Variants in PSPC1 observed in about 807,000 individuals in gnomAD.
The protein encoded by PSPC1 is paraspeckle component 1, also known as paraspeckle protein 1.
Under a neutral mutation model 51.6 loss-of-function variants are expected in PSPC1, and 14 were observed. That is an observed-to-expected ratio of 0.27 (90% CI 0.18 to 0.42). The LOEUF is 0.42. PSPC1 is among the 10% of genes least tolerant of loss of function. The probability of loss-of-function intolerance (pLI) is 1.00; values close to 1 mark genes in which losing one functional copy is unlikely to be tolerated. For missense variants in PSPC1, 406 were observed against 701.1 expected (o/e 0.58, Z 4.75); for synonymous variants, 193 against 231.9 (o/e 0.83, Z 1.53).
chr13:19,742,648 A>G (rs1487748779), intron 4 of PSPC1, among the ~76,000 whole-genome samples: 2 of 152,304 alleles, frequency 1.3e-5, no homozygotes, highest in East Asian at 3.9e-4. Context: ...TTGAGACAGG[A>G]GAATCACTTG....
At chr13:19,704,351 C>A (rs557413900) in intron 8 of PSPC1, among the ~76,000 whole-genome samples, 2 of 152,380 alleles carry the variant, frequency 1.3e-5, no homozygotes, top group African/African-American at 4.8e-5. Flanking sequence ...AAAAATCCAA[C>A]TGCCAGCATG....
Position 19,759,406 on chromosome 13 carries a change from T to C in PSPC1, c.687A>G (p.Pro229=), listed in dbSNP as rs1170104820. 6.2e-7 allele frequency: 1 copy of C among 1,613,926 alleles called. No individual in the cohort carries two copies. Among genetic ancestry groups the C allele is most frequent in the Non-Finnish European group, 8.5e-7 (1 of 1,179,914 alleles). Residue 229 remains proline (P), a synonymous_variant, in exon 3 of 9, where the codon CCA becomes CCG. Coordinates refer to ENST00000338910, the MANE Select transcript of PSPC1 (RefSeq NM_001354909.2). Reference sequence around the variant, plus strand: ...ACTGCTCCATGGGTTCCACAATGACTGGACGAGGGGTCCTGGATAGGTATA... The same window carrying C: ...ACTGCTCCATGGGTTCCACAATGACCGGACGAGGGGTCCTGGATAGGTATA... The part of the protein sequence containing the change: ...GAFLLTTTPR[P]VIVEPMEQFD...
chr13:19,778,382 TCCCCC>T (rs1889435943), intron 1 of PSPC1, among the ~76,000 whole-genome samples: 7 of 26,704 alleles, frequency 2.6e-4, no homozygotes, highest in Admixed American at 1.0e-3. Flanking sequence ...CCCCTCCCCC[TCCCCC>T]TCCCCCTCCC....
chr13:19,747,467 C>T (rs538680684), intron 4 of PSPC1, among the ~76,000 whole-genome samples: 1 of 151,996 alleles, frequency 6.6e-6, no homozygotes, highest in Admixed American at 6.6e-5. Flanking sequence ...CAAGTAGCTG[C>T]AACTACAGAC....
At chr13:19,714,919 T>G (rs1411413963) in intron 6 of PSPC1, among the ~76,000 whole-genome samples, 2 of 152,224 alleles carry the variant, frequency 1.3e-5, no homozygotes, top group African/African-American at 2.4e-5. Context: ...AAGTCAGGTC[T>G]TCTTTGATGC....
At chr13:19,749,691 T>G (rs1436597954) in intron 4 of PSPC1, among the ~76,000 whole-genome samples, 5 of 146,570 alleles carry the variant, frequency 3.4e-5, no homozygotes, top group Non-Finnish European at 1.5e-5. Flanking sequence ...CAGGCTGGAG[T>G]GCAGTGGCGT....
intron 2 of PSPC1, among the ~76,000 whole-genome samples, chr13:19,764,134 T>C (rs991471483): frequency 6.6e-6 from 1 of 152,150 alleles, no homozygotes; most frequent in Admixed American, 6.6e-5. Context: ...AAATGTTTCA[T>C]TGTGAAAAAA....
chr13:19,756,741 C>T (rs973282977), intron 3 of PSPC1, among the ~76,000 whole-genome samples: 6 of 151,958 alleles, frequency 3.9e-5, no homozygotes, highest in Non-Finnish European at 5.9e-5. Context: ...GTGATCTGCC[C>T]GCCTCGGCCT....
intron 6 of PSPC1, among the ~76,000 whole-genome samples, chr13:19,691,311 A>G (rs1878511376): frequency 6.6e-6 from 1 of 152,136 alleles, no homozygotes; most frequent in Non-Finnish European, 1.5e-5. Flanking sequence ...ATTTGAGACA[A>G]GGAGTTTGAG....
chr13:19,715,812 G>C (rs997100941), intron 6 of PSPC1, among the ~76,000 whole-genome samples: 3 of 152,074 alleles, frequency 2.0e-5, no homozygotes, highest in African/African-American at 4.8e-5. Context: ...AAGAGATCAA[G>C]ACCATCCTAG....
chr13:19,770,504 C>T (rs765962931), intron 2 of PSPC1, among the ~76,000 whole-genome samples: 30 of 151,752 alleles, frequency 2.0e-4, no homozygotes, highest in Admixed American at 7.2e-4. Flanking sequence ...TACAAAAATA[C>T]GGGCCAGGCA....
At chr13:19,762,031 A>G (rs1413685058) in intron 2 of PSPC1, among the ~76,000 whole-genome samples, 1 of 152,224 alleles carries the variant, frequency 6.6e-6, no homozygotes, top group Non-Finnish European at 1.5e-5. Context: ...AATTAAGGGA[A>G]AACTCTGACA....
intron 6 of PSPC1, among the ~76,000 whole-genome samples, chr13:19,716,255 ATGTGTG>A (rs1882079178): frequency 6.6e-6 from 1 of 152,134 alleles, no homozygotes; most frequent in South Asian, 2.1e-4. Context: ...GTGGGTGTAT[ATGTGTG>A]TGTGTATTAC....
intron 2 of PSPC1, among the ~76,000 whole-genome samples, chr13:19,765,328 T>C (rs1313962370): frequency 7.2e-6 from 1 of 139,294 alleles, no homozygotes. Context: ...ATCTCAAAAA[T>C]AATAATAATA....
intron 6 of PSPC1, among the ~76,000 whole-genome samples, chr13:19,724,921 C>T (rs532737092): frequency 6.6e-6 from 1 of 152,110 alleles, no homozygotes; most frequent in Non-Finnish European, 1.5e-5. Context: ...ATCACTTGAA[C>T]CTGGGAGGCG....
chr13:19,725,791 A>T (rs1883302306), intron 6 of PSPC1, among the ~76,000 whole-genome samples: 1 of 152,216 alleles, frequency 6.6e-6, no homozygotes, highest in South Asian at 2.1e-4. Flanking sequence ...CTGAAAGCCC[A>T]AATCAAGGTT....
intron 5 of PSPC1, among the ~76,000 whole-genome samples, chr13:19,732,253 T>C (rs944689801): frequency 6.6e-6 from 1 of 152,198 alleles, no homozygotes; most frequent in Admixed American, 6.5e-5. Flanking sequence ...TTAAGTAAAC[T>C]GGTTAATCCA....
At chr13:19,727,413 A>G (rs999218272) in intron 6 of PSPC1, among the ~76,000 whole-genome samples, 36 of 152,282 alleles carry the variant, frequency 2.4e-4, no homozygotes, top group African/African-American at 8.4e-4. Flanking sequence ...AATAAAAAAA[A>G]AAAGAAACTT....
chr13:19,735,504 C>G (rs1033687730), intron 5 of PSPC1, among the ~76,000 whole-genome samples: 1 of 152,110 alleles, frequency 6.6e-6, no homozygotes, highest in Admixed American at 6.6e-5. Context: ...AATTAAGTTA[C>G]CTATGAAAAA....
Sources: gnomAD v4.1 joint callset for allele counts (sites outside exome capture counted in the v4.1 genomes callset) on GRCh38, gnomAD v4.1.1 for gene constraint, MANE v1.5 for transcripts, NCBI Gene and HGNC (gene_info 2026-07-23, HGNC 2026-07-21) for gene names.